Variants in ATAD2B observed in about 807,000 individuals in gnomAD.
ATAD2B encodes ATPase family AAA domain-containing protein 2B.
A neutral mutation model predicts 167.6 loss-of-function variants in ATAD2B; 40 were observed. That is an observed-to-expected ratio of 0.24 (90% CI 0.19 to 0.31). ATAD2B has a LOEUF of 0.31. ATAD2B is among the 10% of genes least tolerant of loss of function. The pLI is 1.00. For synonymous variants in ATAD2B, 579 were observed against 596.5 expected (o/e 0.97, Z 0.43); for missense variants, 1,242 against 1,757.2 (o/e 0.71, Z 5.24).
chr2:23,884,941 A>G, intron 5 of ATAD2B, 68 bp from the exon 6 acceptor site: 7 of 944,372 alleles, frequency 7.4e-6, no homozygotes, highest in Non-Finnish European at 1.1e-5. Flanking sequence ...AAACAACCCA[A>G]TGGGACATAC....
chr2:23,844,647 T>C (rs1050024329), intron 13 of ATAD2B, among the ~76,000 whole-genome samples: 3 of 151,800 alleles, frequency 2.0e-5, no homozygotes, highest in African/African-American at 7.3e-5. Flanking sequence ...AAAAGATTAG[T>C]GAACTAAAAC....
intron 20 of ATAD2B, among the ~76,000 whole-genome samples, chr2:23,786,832 C>T (rs1304253205): frequency 6.6e-6 from 1 of 151,990 alleles, no homozygotes; most frequent in East Asian, 1.9e-4. Context: ...AAATATCTCC[C>T]AGTAAAGTAT....
At chr2:23,908,881 G>C (rs1358865543) in intron 1 of ATAD2B, among the ~76,000 whole-genome samples, 1 of 148,832 alleles carries the variant, frequency 6.7e-6, no homozygotes, top group African/African-American at 2.5e-5. Context: ...GTAAACTATC[G>C]CAAGAAAAAA....
chr2:23,731,041 G>A, the ATAD2B span, among the ~76,000 whole-genome samples: 1 of 151,162 alleles, frequency 6.6e-6, no homozygotes, highest in Non-Finnish European at 1.5e-5. Flanking sequence ...TGTGTCAATA[G>A]GACTCGGGGC....
intron 17 of ATAD2B, among the ~76,000 whole-genome samples, chr2:23,816,310 T>C (rs1460368767): frequency 1.3e-5 from 2 of 152,202 alleles, no homozygotes; most frequent in Non-Finnish European, 2.9e-5. Context: ...ATTTACCTTA[T>C]GCTTTGAATC....
the ATAD2B span, among the ~76,000 whole-genome samples, chr2:23,708,765 A>AGTT: frequency 1.1e-4 from 16 of 152,322 alleles, no homozygotes; most frequent in African/African-American, 3.8e-4. Flanking sequence ...GAAGGTTTAG[A>AGTT]GTTGAAAAGC....
At chr2:23,894,533 T>C (rs1208872938) in intron 2 of ATAD2B, among the ~76,000 whole-genome samples, 1 of 151,610 alleles carries the variant, frequency 6.6e-6, no homozygotes, top group Non-Finnish European at 1.5e-5. Context: ...GCTGGGTGGA[T>C]AAAATAAGAG....
intron 18 of ATAD2B, among the ~76,000 whole-genome samples, chr2:23,803,349 T>A (rs1683811643): frequency 6.7e-6 from 1 of 148,698 alleles, no homozygotes; most frequent in Non-Finnish European, 1.5e-5. Flanking sequence ...CGCGCACGCA[T>A]TTGTTTCAGT....
intron 4 of ATAD2B, among the ~76,000 whole-genome samples, chr2:23,887,623 C>T (rs1182909051): frequency 6.6e-6 from 1 of 152,168 alleles, no homozygotes; most frequent in Non-Finnish European, 1.5e-5. Context: ...AGTCAGCTCA[C>T]TGACTAGCTA....
intron 12 of ATAD2B, among the ~76,000 whole-genome samples, chr2:23,862,645 G>A (rs937745523): frequency 2.6e-5 from 4 of 152,050 alleles, no homozygotes; most frequent in Admixed American, 1.3e-4. Flanking sequence ...AGTAGACATA[G>A]TCCACATGAT....
chr2:23,876,282 G>C, intron 7 of ATAD2B, among the ~76,000 whole-genome samples: 1 of 148,028 alleles, frequency 6.8e-6, no homozygotes, highest in Non-Finnish European at 1.5e-5. Context: ...ATGAGCCACC[G>C]GGCCCAGCCC....
chr2:23,774,384 G>A (rs1678775502), intron 22 of ATAD2B, among the ~76,000 whole-genome samples: 2 of 152,120 alleles, frequency 1.3e-5, no homozygotes, highest in South Asian at 4.1e-4. Flanking sequence ...GTGCCCAGGA[G>A]GTCAAGGCTG....
rs554520227 is a variant in ATAD2B, at chr2:23,880,619, A to G, written c.901+20T>C. ...GTTACTCAACTACCAGAAAGAAAAA[A>G]GTTATTTAGAGTTGCCTACCTATTG... On this transcript the variant is annotated intron_variant, in intron 7 of 27. Transcript: ENST00000238789. 7.1e-7 allele frequency: 1 copy of G among 1,410,368 alleles called. No individual in the cohort carries two copies. The allele number at this position is 1,410,368 out of a possible 1,614,324, so 87.4% of individuals were successfully genotyped here.
intron 22 of ATAD2B, among the ~76,000 whole-genome samples, chr2:23,779,478 T>G (rs535257572): frequency 6.6e-6 from 1 of 152,180 alleles, no homozygotes; most frequent in African/African-American, 2.4e-5. Flanking sequence ...CCCAGCCCGC[T>G]GCTGGTATAA....
chr2:23,811,599 G>A (rs1053475419), intron 17 of ATAD2B: 2 of 152,180 alleles, frequency 1.3e-5, no homozygotes, highest in Non-Finnish European at 2.9e-5. Flanking sequence ...GCCTGTCCGG[G>A]GGTGGGAGGC....
intron 17 of ATAD2B, among the ~76,000 whole-genome samples, chr2:23,812,261 C>T (rs1685713212): frequency 6.7e-6 from 1 of 148,414 alleles, no homozygotes; most frequent in Non-Finnish European, 1.5e-5. Flanking sequence ...ATTTCCTAAA[C>T]ACCATCAATA....
At chr2:23,867,316 T>C (rs1326870973) in intron 10 of ATAD2B, among the ~76,000 whole-genome samples, 2 of 152,202 alleles carry the variant, frequency 1.3e-5, no homozygotes, top group African/African-American at 4.8e-5. Flanking sequence ...TGTACCTTTC[T>C]CTTGTTCCCC....
At chr2:23,682,216 G>T in the ATAD2B span, among the ~76,000 whole-genome samples, 1 of 152,074 alleles carries the variant, frequency 6.6e-6, no homozygotes, top group South Asian at 2.1e-4. This position sits in a 1 kb window ranked among gnomAD's most constrained non-coding sequence, Gnocchi z 4.1. Flanking sequence ...CCTCTCCCTC[G>T]GAAAGACCGT....
At chr2:23,791,256 G>A (rs1681652062) in intron 19 of ATAD2B, among the ~76,000 whole-genome samples, 1 of 152,118 alleles carries the variant, frequency 6.6e-6, no homozygotes, top group Non-Finnish European at 1.5e-5. Flanking sequence ...CCATACAAAT[G>A]TCTTTCTGTG....
Sources: gnomAD v4.1 joint callset for allele counts (sites outside exome capture counted in the v4.1 genomes callset) on GRCh38, gnomAD v4.1.1 for gene constraint, Gnocchi (gnomAD v3.1) non-coding constraint, MANE v1.5 for transcripts, NCBI Gene and HGNC (gene_info 2026-07-23, HGNC 2026-07-21) for gene names.